Variants in ZDHHC15 observed in about 807,000 individuals in gnomAD.
The protein encoded by ZDHHC15 is palmitoyltransferase ZDHHC15.
Under a neutral mutation model 31.7 loss-of-function variants are expected in ZDHHC15, and 19 were observed. The observed-to-expected ratio is 0.60, with a 90% confidence interval of 0.42 to 0.88. The LOEUF is 0.88. Among genes scored for constraint, ZDHHC15 ranks in the 40% least tolerant of loss-of-function variants. ZDHHC15 has a pLI of 0.00. For synonymous variants in ZDHHC15, 103 were observed against 90.0 expected (o/e 1.14, Z -0.82); for missense variants, 209 against 251.2 (o/e 0.83, Z 1.14).
intron 3 of ZDHHC15, among the ~76,000 whole-genome samples, chrX:75,465,307 G>A (rs1275758797): frequency 8.9e-6 from 1 of 111,910 alleles, no homozygotes; most frequent in Admixed American, 9.5e-5. Flanking sequence ...AATCAGAGAG[G>A]ACACAAACAA....
intron 1 of ZDHHC15, among the ~76,000 whole-genome samples, chrX:75,507,354 G>C (rs2085183960): frequency 9.1e-6 from 1 of 109,523 alleles, no homozygotes; most frequent in Admixed American, 9.7e-5. Flanking sequence ...GTAAGTCCAA[G>C]GGAATTTTTT....
intron 9 of ZDHHC15, among the ~76,000 whole-genome samples, chrX:75,420,898 C>T (rs2083618706): frequency 9.1e-6 from 1 of 110,034 alleles, no homozygotes; most frequent in Non-Finnish European, 1.9e-5. Flanking sequence ...ACGTGCATAC[C>T]TATGTAACAA....
At chrX:75,498,039 TTC>T (rs1387633443) in intron 2 of ZDHHC15, among the ~76,000 whole-genome samples, 1 of 109,184 alleles carries the variant, frequency 9.2e-6, no homozygotes, top group East Asian at 2.9e-4. Flanking sequence ...GTTCAAGCGA[TTC>T]TCCTGCCTCA....
chrX:75,496,278 A>G (rs939446717), intron 2 of ZDHHC15, among the ~76,000 whole-genome samples: 2 of 111,926 alleles, frequency 1.8e-5, no homozygotes, highest in African/African-American at 6.5e-5. Flanking sequence ...TATAATGATG[A>G]AAAATTTAGG....
chrX:75,522,332 A>T (rs1235778577), intron 1 of ZDHHC15, among the ~76,000 whole-genome samples: 1 of 111,803 alleles, frequency 8.9e-6, no homozygotes, highest in Non-Finnish European at 1.9e-5. Flanking sequence ...CCAGTGTGAG[A>T]GGATCACGGG....
At chrX:75,398,239 C>T (rs1198865567) in intron 10 of ZDHHC15, among the ~76,000 whole-genome samples, 1 of 112,450 alleles carries the variant, frequency 8.9e-6, no homozygotes, top group Non-Finnish European at 1.9e-5. Flanking sequence ...TTTTCAGGTG[C>T]CTTAGCCGTT....
At chrX:75,436,522 A>G (rs1189797808) in intron 4 of ZDHHC15, among the ~76,000 whole-genome samples, 1 of 111,561 alleles carries the variant, frequency 9.0e-6, no homozygotes, top group Non-Finnish European at 1.9e-5. Flanking sequence ...AGAGGTTTTG[A>G]TAGGTTGTGT....
At position 75,369,476 on chromosome X, in the gene ZDHHC15, T is replaced by C. The variant is rs1235522096; in HGVS notation, c.*3502A>G. ...AGGTTCATGTTACAATAATGTATAA[T>C]ATTCAGTATTCTTAAAACTTACTTG... On this transcript the variant is annotated 3_prime_UTR_variant, in exon 12 of 12. Transcript: ENST00000373367. The C allele has an allele frequency of 6.3e-5, 7 of 111,773 alleles. No individual in the cohort carries two copies. The East Asian group carries it at 2.0e-3, about 31-fold the overall frequency. 9.2% of individuals were successfully genotyped at this position (111,773 alleles called of 1,213,427 possible).
At chrX:75,460,401 C>A (rs1040313708) in intron 3 of ZDHHC15, among the ~76,000 whole-genome samples, 1 of 110,895 alleles carries the variant, frequency 9.0e-6, no homozygotes, top group African/African-American at 3.3e-5. Flanking sequence ...AGGATGGGTT[C>A]CCTCCAGTAG....
chrX:75,404,958 C>G (rs774893511), intron 10 of ZDHHC15, among the ~76,000 whole-genome samples: 1 of 111,914 alleles, frequency 8.9e-6, no homozygotes, highest in African/African-American at 3.2e-5. Flanking sequence ...TTCACAATAG[C>G]AAAGATGTGG....
At chrX:75,462,824 A>G (rs368482745) in intron 3 of ZDHHC15, among the ~76,000 whole-genome samples, 1 of 111,420 alleles carries the variant, frequency 9.0e-6, no homozygotes, top group East Asian at 2.8e-4. Flanking sequence ...AGCTAGAAAG[A>G]TCTCAAATTG....
chrX:75,454,822 A>G (rs927489651), intron 3 of ZDHHC15, among the ~76,000 whole-genome samples: 1 of 111,625 alleles, frequency 9.0e-6, no homozygotes, highest in African/African-American at 3.3e-5. Flanking sequence ...GATGTGAAGG[A>G]CCTCTTTAAG....
At chrX:75,456,335 A>G (rs1276611636) in intron 3 of ZDHHC15, among the ~76,000 whole-genome samples, 2 of 101,219 alleles carry the variant, frequency 2.0e-5, no homozygotes, top group Admixed American at 2.2e-4. Flanking sequence ...GGGGTACATC[A>G]TATACCAGGG....
chrX:75,381,905 CTTA>C (rs919691120), intron 10 of ZDHHC15, among the ~76,000 whole-genome samples: 1 of 111,552 alleles, frequency 9.0e-6, no homozygotes, highest in Non-Finnish European at 1.9e-5. Context: ...CGCATCTATC[CTTA>C]TGTTTCTCAT....
chrX:75,450,364 G>A (rs2084098489), intron 4 of ZDHHC15, among the ~76,000 whole-genome samples: 1 of 111,548 alleles, frequency 9.0e-6, no homozygotes, highest in African/African-American at 3.3e-5. Flanking sequence ...ACACAGATGT[G>A]TACACTTTTC....
At chrX:75,451,891 T>C (rs1319365839) in intron 3 of ZDHHC15, among the ~76,000 whole-genome samples, 1 of 110,690 alleles carries the variant, frequency 9.0e-6, no homozygotes, top group Non-Finnish European at 1.9e-5. Context: ...CCACTAAACA[T>C]GGAAAGAAAC....
At chrX:75,411,787 A>G (rs781563074) in intron 10 of ZDHHC15, among the ~76,000 whole-genome samples, 11 of 112,119 alleles carry the variant, frequency 9.8e-5, no homozygotes, top group Non-Finnish European at 1.7e-4. Context: ...AAATTTAAAA[A>G]AAAGAAACAA....
intron 2 of ZDHHC15, among the ~76,000 whole-genome samples, chrX:75,481,030 C>G (rs1481697803): frequency 2.7e-5 from 3 of 111,367 alleles, no homozygotes; most frequent in Non-Finnish European, 5.7e-5. Context: ...TAGCTGGCTA[C>G]CCCCTGGGAG....
At chrX:75,409,504 A>C (rs2083459221) in intron 10 of ZDHHC15, among the ~76,000 whole-genome samples, 1 of 102,792 alleles carries the variant, frequency 9.7e-6, no homozygotes, top group Admixed American at 1.1e-4. Flanking sequence ...AAAAAAAAAA[A>C]AAAAAAAAAC....
Sources: allele counts gnomAD v4.1 joint callset (sites outside exome capture counted in the v4.1 genomes callset), GRCh38; gene constraint gnomAD v4.1.1; transcripts MANE v1.5; gene names NCBI Gene and HGNC (gene_info 2026-07-23, HGNC 2026-07-21).